Variants in DDX50 observed in about 807,000 individuals in gnomAD.
DDX50 encodes DExD-box helicase 50.
In DDX50, 56 loss-of-function variants were observed where a neutral mutation model predicts 94.8. That is an observed-to-expected ratio of 0.59 (90% confidence interval 0.48 to 0.74). DDX50 has a LOEUF of 0.74. Among genes scored for constraint, DDX50 ranks in the 30% least tolerant of loss-of-function variants. DDX50 has a pLI of 0.00. For missense variants in DDX50, 713 were observed against 881.2 expected (o/e 0.81, Z 2.42); for synonymous variants, 264 against 295.4 (o/e 0.89, Z 1.09).
At chr10:68,941,301 T>A in intron 13 of DDX50, 107 bp downstream of exon 13, 1 of 1,400,082 alleles carries the variant, frequency 7.1e-7, no homozygotes. Flanking sequence ...GCATGAATAA[T>A]GCTGTTTTTT....
chr10:68,906,138 CGTTA>C (rs901727793), intron 1 of DDX50: 3 of 152,374 alleles, frequency 2.0e-5, no homozygotes, highest in Admixed American at 6.5e-5. Flanking sequence ...AAGAGCCTCA[CGTTA>C]GTTCAAGTTA....
chr10:68,945,537 C>A (rs186306387), intron 14 of DDX50, among the ~76,000 whole-genome samples: 1 of 152,010 alleles, frequency 6.6e-6, no homozygotes, highest in African/African-American at 2.4e-5. Context: ...GAACTTCTGA[C>A]CTCAAGTGAT....
At chr10:68,910,662 A>G (rs933167170) in intron 3 of DDX50, among the ~76,000 whole-genome samples, 4 of 152,198 alleles carry the variant, frequency 2.6e-5, no homozygotes, top group Non-Finnish European at 5.9e-5. Flanking sequence ...TGGGTTACCA[A>G]AGTGCTGGGA....
chr10:68,938,646 A>C lies in DDX50; in HGVS notation c.1755+1551A>C, dbSNP rs111391850. ...GATGTGACTTATTTGGTGTAGCACA[A>C]ATGAATGCTGCTGGGGTATCTGATG... On this transcript the variant is annotated intron_variant, in intron 12 of 14. Coordinates refer to ENST00000373585, the MANE Select transcript of DDX50 (RefSeq NM_024045.2). Among the ~76,000 whole-genome samples, 388 of 152,310 alleles carry C rather than the reference A, an allele frequency of 2.5e-3. 1 individual carries two copies. The highest frequency in any genetic ancestry group is 8.4e-3 in the African/African-American group (350 of 41,574).
chr10:68,940,351 C>G (rs948734018), intron 12 of DDX50, among the ~76,000 whole-genome samples: 9 of 149,472 alleles, frequency 6.0e-5, no homozygotes, highest in African/African-American at 2.2e-4. Context: ...TGCATTCCAA[C>G]CTGGGTGACA....
intron 8 of DDX50, among the ~76,000 whole-genome samples, chr10:68,929,251 CCCTTCCTTCCTTCCTTCCTT>C (rs748750747): frequency 1.7e-5 from 2 of 117,902 alleles, no homozygotes; most frequent in Non-Finnish European, 3.5e-5. Flanking sequence ...CCAGCCTGGT[CCCTTCCTTCCTTCCTTCCTT>C]CCTTCCTTCC....
Position 68,934,164 on chromosome 10 carries a change from C to T in DDX50, c.1240-35C>T. The T allele has an allele frequency of 6.2e-7, 1 of 1,601,296 alleles. No homozygotes were observed. The highest frequency in any genetic ancestry group is 1.3e-5 in the African/African-American group (1 of 74,476). On this transcript the variant is annotated intron_variant, in intron 8 of 14. Transcript: ENST00000373585. The surrounding 1 kb of genome is among the most constrained non-coding windows in gnomAD (Gnocchi z 4.0). ...TTGTGCTATCAGTTGCAAGTATGAG[C>T]TGTACACTTAATTTTCTCCCCCTTT...
intron 8 of DDX50, among the ~76,000 whole-genome samples, chr10:68,922,763 A>G (rs1354399563): frequency 6.6e-6 from 1 of 150,516 alleles, no homozygotes; most frequent in South Asian, 2.1e-4. Flanking sequence ...GCTGTACTCT[A>G]TCTTGGGTGA....
chr10:68,929,853 C>T (rs1274624976), intron 8 of DDX50, among the ~76,000 whole-genome samples: 1 of 151,960 alleles, frequency 6.6e-6, no homozygotes, highest in Non-Finnish European at 1.5e-5. Flanking sequence ...CTGCCTCAGC[C>T]TCCCTAGTAG....
Position 68,946,423 on chromosome 10 carries a change from T to G in DDX50, c.2007T>G (p.Asp669Glu), listed in dbSNP as rs1275317901. The G allele has an allele frequency of 6.2e-7, 1 of 1,614,106 alleles. No homozygotes were observed. Among genetic ancestry groups the G allele is most frequent in the African/African-American group, 1.3e-5 (1 of 74,942 alleles). ...AKLPEIEEYY[D>E]GNTSSNSRQR... is the part of the protein sequence containing the mutation. ...TACCTGAAATTGAAGAATATTATGA[T>G]GGAAACACATCTTCTAATTCCAGAC... The change falls in exon 15 of 15, where the codon GAT (aspartate) becomes GAG (glutamate). Residue 669 changes from aspartate (D) to glutamate (E), a missense_variant. By Grantham distance (45) the Asp-to-Glu change is conservative. Around this residue, in one of 2 missense-constraint regions of DDX50, gnomAD observed 428 missense variants for 602.3 expected, o/e 0.71. Transcript: ENST00000373585.
intron 1 of DDX50, among the ~76,000 whole-genome samples, chr10:68,904,326 A>G (rs1286260440): frequency 6.6e-6 from 1 of 152,024 alleles, no homozygotes; most frequent in Non-Finnish European, 1.5e-5. Context: ...ACAAAACTGA[A>G]GTGAATAGTG....
At position 68,911,230 on chromosome 10, in the gene DDX50, A is replaced by C. The variant is rs550808277; in HGVS notation, c.623A>C (p.Lys208Thr). The C allele has an allele frequency of 6.3e-7, 1 of 1,599,812 alleles. No individual in the cohort carries two copies. Among genetic ancestry groups the C allele is most frequent in the Non-Finnish European group, 8.5e-7 (1 of 1,176,084 alleles). Residue 208 changes from lysine (K) to threonine (T), a missense_variant, in exon 4 of 15, where the codon AAA becomes ACA. By Grantham distance (78) the Lys-to-Thr change is moderately conservative (BLOSUM62 -1). Coordinates refer to ENST00000373585, the MANE Select transcript of DDX50 (RefSeq NM_024045.2). ...RLQRNQETIK[K>T]SRSPKVLVLA... ...CAAAGAAATCAAGAAACAATTAAAA[A>C]AAGCCGCTCACCAAAGGTAATCGTT...
intron 8 of DDX50, among the ~76,000 whole-genome samples, chr10:68,925,095 G>GTTTTTTTTT (rs1239190321): frequency 3.5e-5 from 1 of 28,580 alleles, no homozygotes; most frequent in Non-Finnish European, 6.9e-5. Context: ...CCTGCTCATG[G>GTTTTTTTTT]TTTTTTTTTT....
chr10:68,946,715 G>A lies in DDX50; in HGVS notation c.*85G>A. ...ATCCACCAAAAATTAGGTCATCATAGTTGAGGTATGTGTCTGCTATTTGCA... is the reference window on the plus strand; with the variant it reads ...ATCCACCAAAAATTAGGTCATCATAATTGAGGTATGTGTCTGCTATTTGCA... On this transcript the variant is annotated 3_prime_UTR_variant, in exon 15 of 15. Transcript: ENST00000373585. 1 of 1,496,124 alleles carries A rather than the reference G, an allele frequency of 6.7e-7. No homozygotes were observed. Among genetic ancestry groups the A allele is most frequent in the South Asian group, 1.3e-5 (1 of 77,474 alleles). The allele number at this position is 1,496,124 out of a possible 1,614,324, so 92.7% of individuals were successfully genotyped here.
At chr10:68,916,060 AAAG>A (rs1415754738) in intron 7 of DDX50, among the ~76,000 whole-genome samples, 1 of 152,144 alleles carries the variant, frequency 6.6e-6, no homozygotes, top group Non-Finnish European at 1.5e-5. Context: ...TGGATGGTAA[AAAG>A]AAGCTTTGTG....
At position 68,937,011 on chromosome 10, in the gene DDX50, T is replaced by C; in HGVS notation, c.1671T>C (p.Gly557=). The change falls in exon 12 of 15, where the codon GGT becomes GGC. Residue 557 remains glycine (G), a synonymous_variant. Transcript: ENST00000373585. ...PSAQRLIEEK[G]AVDALAAALA... is the part of the protein sequence containing the mutation. ...CTCAGAGACTGATAGAAGAGAAAGG[T>C]GCAGTGGATGCATTGGCTGCAGCTT... 1 of 1,612,518 alleles carries C rather than the reference T, an allele frequency of 6.2e-7. No individual in the cohort carries two copies. Among genetic ancestry groups the C allele is most frequent in the Non-Finnish European group, 8.5e-7 (1 of 1,179,958 alleles).
chr10:68,918,428 C>T (rs999859414), intron 7 of DDX50, among the ~76,000 whole-genome samples: 1 of 57,032 alleles, frequency 1.8e-5, no homozygotes, highest in Admixed American at 2.7e-4. Flanking sequence ...CCATTCCCTC[C>T]TTTTTTTTTT....
At chr10:68,911,939 A>G (rs1001242183) in intron 4 of DDX50, among the ~76,000 whole-genome samples, 12 of 152,242 alleles carry the variant, frequency 7.9e-5, no homozygotes, top group African/African-American at 2.2e-4. Context: ...AAAAGTGAAG[A>G]AAAAAATCAG....
At chr10:68,902,012 T>C (rs889859552) in intron 1 of DDX50, among the ~76,000 whole-genome samples, 6 of 151,998 alleles carry the variant, frequency 3.9e-5, no homozygotes, top group African/African-American at 1.4e-4. Context: ...GTTGCATTAT[T>C]AATAGCCTTT....
Sources: gnomAD v4.1 joint callset for allele counts (sites outside exome capture counted in the v4.1 genomes callset) on GRCh38, gnomAD v4.1.1 for gene constraint, gnomAD v4.1.1 regional missense constraint, Gnocchi (gnomAD v3.1) non-coding constraint, MANE v1.5 for transcripts, NCBI Gene and HGNC (gene_info 2026-07-23, HGNC 2026-07-21) for gene names.